Variants in APOOL observed in about 807,000 individuals in gnomAD.
The protein encoded by APOOL is apolipoprotein O like, also known as MICOS complex subunit MIC27.
A neutral mutation model predicts 23.1 loss-of-function variants in APOOL; 12 were observed. That is an observed-to-expected ratio of 0.52 (90% CI 0.33 to 0.84). APOOL has a LOEUF of 0.84. Ranked by LOEUF, APOOL falls within the 40% of genes least tolerant of loss-of-function variation. The pLI, the probability that APOOL is intolerant of heterozygous loss-of-function variation, is 0.02. For synonymous variants in APOOL, 77 were observed against 69.9 expected (o/e 1.10, Z -0.51); for missense variants, 212 against 199.6 (o/e 1.06, Z -0.37).
At chrX:85,086,376 A>T (rs1404470058) in intron 8 of APOOL, among the ~76,000 whole-genome samples, 1 of 111,624 alleles carries the variant, frequency 9.0e-6, no homozygotes, top group Non-Finnish European at 1.9e-5. Context: ...ATTCAAATTT[A>T]ACACATCCAA....
rs1462744017 is a variant in APOOL at position 85,014,000 on chromosome X, C to G, written c.15+10073C>G. ...AGGAATTGTTTTATGAATTTTGGAG[C>G]TCCCGTGTTAGGTACATATGTGTTT... On this transcript the variant is annotated intron_variant, in intron 1 of 8. Coordinates refer to ENST00000373173, the MANE Select transcript of APOOL (RefSeq NM_198450.6). 2.7e-5 allele frequency among the ~76,000 whole-genome samples: 3 copies of G among 111,271 alleles called. No individual in the cohort carries two copies. The Admixed American group carries it at 2.9e-4, about 11-fold the overall frequency.
chrX:85,027,033 A>T (rs1921868037), intron 1 of APOOL, among the ~76,000 whole-genome samples: 1 of 111,891 alleles, frequency 8.9e-6, no homozygotes, highest in Non-Finnish European at 1.9e-5. Flanking sequence ...GAAATACCTG[A>T]CACTGGGTAA....
chrX:85,047,833 C>G (rs1166104247), intron 2 of APOOL, among the ~76,000 whole-genome samples: 1 of 111,513 alleles, frequency 9.0e-6, no homozygotes, highest in Admixed American at 9.5e-5. Flanking sequence ...GTTTTTGAAT[C>G]AGGCCTGAAT....
intron 1 of APOOL, among the ~76,000 whole-genome samples, chrX:85,033,403 T>G (rs1303792484): frequency 8.9e-6 from 1 of 112,088 alleles, no homozygotes; most frequent in Admixed American, 9.5e-5. Context: ...ATATTTAGTT[T>G]TCAAGAAAAC....
intron 2 of APOOL, among the ~76,000 whole-genome samples, chrX:85,051,024 G>A (rs183431849): frequency 7.3e-4 from 80 of 110,298 alleles, no homozygotes; most frequent in African/African-American, 2.5e-3. Context: ...TTCTTTGTAC[G>A]AATATACCCC....
intron 5 of APOOL, among the ~76,000 whole-genome samples, chrX:85,064,921 G>A (rs1389060430): frequency 1.8e-5 from 2 of 111,160 alleles, no homozygotes; most frequent in African/African-American, 3.3e-5. Context: ...CTGAGTTCAA[G>A]TCTGAGTATC....
chrX:85,024,736 G>A (rs1921782286), intron 1 of APOOL, among the ~76,000 whole-genome samples: 3 of 112,669 alleles, frequency 2.7e-5, no homozygotes, highest in East Asian at 2.8e-4. Context: ...GCCAGCAGCC[G>A]TCTTTTCTGA....
At chrX:85,009,191 C>A (rs1252141711) in intron 1 of APOOL, among the ~76,000 whole-genome samples, 2 of 111,533 alleles carry the variant, frequency 1.8e-5, no homozygotes, top group African/African-American at 3.3e-5. Context: ...ATCATGTAAT[C>A]TGGGAGAAGA....
chrX:85,084,335 C>G (rs746013216), intron 8 of APOOL, among the ~76,000 whole-genome samples: 10 of 109,239 alleles, frequency 9.2e-5, no homozygotes, highest in Non-Finnish European at 1.7e-4. Context: ...CGGGCTTTCA[C>G]TGTGTTAGCC....
intron 6 of APOOL, among the ~76,000 whole-genome samples, chrX:85,073,750 AT>A (rs1372658080): frequency 6.3e-5 from 7 of 111,171 alleles, no homozygotes; most frequent in African/African-American, 2.0e-4. Context: ...AATTAAAAAA[AT>A]AGACATAGTT....
At chrX:85,016,382 C>T (rs191133177) in intron 1 of APOOL, among the ~76,000 whole-genome samples, 7 of 109,744 alleles carry the variant, frequency 6.4e-5, no homozygotes, top group Admixed American at 4.8e-4. Context: ...TACCTCAGCT[C>T]CCCTGCCAGG....
intron 5 of APOOL, among the ~76,000 whole-genome samples, chrX:85,061,994 C>T (rs181454867): frequency 9.0e-6 from 1 of 111,037 alleles, no homozygotes; most frequent in East Asian, 2.8e-4. Context: ...TTAGATCTTT[C>T]CTGCTTTCTC....
chrX:85,057,250 C>G (rs1169999360), intron 5 of APOOL, among the ~76,000 whole-genome samples: 1 of 109,856 alleles, frequency 9.1e-6, no homozygotes, highest in African/African-American at 3.3e-5. Context: ...TTTTGGTCAC[C>G]TTTCATCCAT....
intron 5 of APOOL, among the ~76,000 whole-genome samples, chrX:85,060,810 A>G (rs1467250325): frequency 9.0e-6 from 1 of 111,508 alleles, no homozygotes; most frequent in East Asian, 2.8e-4. Flanking sequence ...TAGATATACA[A>G]TCATGTCATC....
intron 1 of APOOL, among the ~76,000 whole-genome samples, chrX:85,026,115 T>C (rs753226469): frequency 8.8e-6 from 1 of 113,496 alleles, no homozygotes; most frequent in East Asian, 2.8e-4. Context: ...CAAGTATTTA[T>C]CACTGCTGGA....
intron 1 of APOOL, among the ~76,000 whole-genome samples, chrX:85,015,051 G>A (rs777750560): frequency 9.1e-6 from 1 of 109,950 alleles, no homozygotes; most frequent in Non-Finnish European, 1.9e-5. Flanking sequence ...TTCTGATTGG[G>A]TTAATTCGAA....
chrX:85,070,754 T>C (rs914759694), intron 6 of APOOL, among the ~76,000 whole-genome samples: 23 of 109,433 alleles, frequency 2.1e-4, no homozygotes, highest in African/African-American at 7.7e-4. Context: ...CAACATCTCA[T>C]TTACCTCACT....
In APOOL at chrX:85,011,563, C is replaced by T. The variant is rs182785767; in HGVS notation, c.15+7636C>T. 2.6e-3 allele frequency among the ~76,000 whole-genome samples: 289 copies of T among 111,533 alleles called. 2 individuals carry two copies. The highest frequency in any genetic ancestry group is 5.2e-3 in the South Asian group (14 of 2,690). ...GTTTAATTCTTCTACATGTGGCTTG[C>T]CAGTTATTCCAACATGATTTGTTGA... On this transcript the variant is annotated intron_variant, in intron 1 of 8. Coordinates refer to ENST00000373173, the MANE Select transcript of APOOL (RefSeq NM_198450.6).
intron 1 of APOOL, among the ~76,000 whole-genome samples, chrX:85,043,410 A>ATTT (rs11400629): frequency 2.0e-5 from 2 of 100,777 alleles, no homozygotes. Flanking sequence ...GAGGCTGGCA[A>ATTT]TTTTTTTTTT....
Sources: allele counts gnomAD v4.1 joint callset (sites outside exome capture counted in the v4.1 genomes callset), GRCh38; gene constraint gnomAD v4.1.1; transcripts MANE v1.5; gene names NCBI Gene and HGNC (gene_info 2026-07-23, HGNC 2026-07-21).